Variants in CCDC3 observed in about 807,000 individuals in gnomAD.
CCDC3 encodes coiled-coil domain-containing protein 3.
A neutral mutation model predicts 21.4 loss-of-function variants in CCDC3; 24 were observed. The observed-to-expected ratio is 1.12, with a 90% CI of 0.81 to 1.58. CCDC3 has a LOEUF of 1.58. CCDC3 is among the 40% of genes most tolerant of loss of function. CCDC3 has a pLI of 0.00. For missense variants in CCDC3, 425 were observed against 360.9 expected (o/e 1.18, Z -1.44); for synonymous variants, 186 against 166.0 (o/e 1.12, Z -0.93).
chr10:13,001,595 G>C lies in CCDC3; in HGVS notation c.-25C>G. On this transcript the variant is annotated 5_prime_UTR_variant, in exon 1 of 3. Transcript: ENST00000378825. ...TGCCGGGCCCTCCCGGGGCGCACGG[G>C]GCGGCGGCGGGGAGCCCGGGGAGCC... 1 of 1,162,808 alleles carries C rather than the reference G, an allele frequency of 8.6e-7. No individual in the cohort carries two copies. Among genetic ancestry groups the C allele is most frequent in the South Asian group, 4.3e-5 (1 of 23,500 alleles). The allele number at this position is 1,162,808 out of a possible 1,614,324, so 72.0% of individuals were successfully genotyped here. A position where few individuals can be genotyped will look rare whatever the true frequency, so the allele number is the denominator to read the frequency against.
chr10:12,933,305 A>T (rs1002248290), intron 2 of CCDC3, among the ~76,000 whole-genome samples: 6 of 152,140 alleles, frequency 3.9e-5, no homozygotes, highest in African/African-American at 1.4e-4. Context: ...GAAGGTTTTA[A>T]TTACTGATTC....
chr10:13,074,325 ATTTTTTTTTTTTTTTTTT>A lies in CCDC3; in HGVS notation c.-502-243_-502-226del, dbSNP rs543893110. On this transcript the variant is annotated intron_variant, in intron 3 of 6. Transcript: ENST00000378839. ...GGCATGCACCACCATATCCCGGCTA[ATTTTTTTTTTTTTTTTTT>A]TTTTTTTTTTTTTTTTTTTTGTAGT... 5.6e-4 allele frequency among the ~76,000 whole-genome samples: 35 copies of A among 62,828 alleles called. 1 individual carries two copies. The highest frequency in any genetic ancestry group is 0.01 in the Middle Eastern group (1 of 96). 41.2% of individuals were successfully genotyped at this position (62,828 alleles called of 152,430 possible).
At chr10:13,074,153 A>ATTTTTTTTTT (rs1220773339) in intron 3 of CCDC3, 1 of 64,306 alleles carries the variant, frequency 1.6e-5, no homozygotes, top group South Asian at 6.9e-4. Context: ...ATATATATAT[A>ATTTTTTTTTT]TTTTTTTTTT....
chr10:13,075,525 G>A (rs1836953163), intron 3 of CCDC3, among the ~76,000 whole-genome samples: 1 of 151,704 alleles, frequency 6.6e-6, no homozygotes, highest in South Asian at 2.1e-4. Flanking sequence ...TCTTCCCACC[G>A]CTAAAGTATT....
intron 4 of CCDC3, among the ~76,000 whole-genome samples, chr10:13,054,877 G>A (rs1836661654): frequency 6.6e-6 from 1 of 152,188 alleles, no homozygotes; most frequent in East Asian, 1.9e-4. Context: ...ATGTTGGCCA[G>A]GCTGGTCTCA....
chr10:12,916,381 C>T (rs894233380), intron 2 of CCDC3, among the ~76,000 whole-genome samples: 4 of 145,492 alleles, frequency 2.7e-5, no homozygotes, highest in East Asian at 4.1e-4. Flanking sequence ...GAGCTGAGAT[C>T]GTGCCACTGC....
At chr10:13,039,248 T>G (rs1226267178) in intron 5 of CCDC3, among the ~76,000 whole-genome samples, 2 of 152,092 alleles carry the variant, frequency 1.3e-5, no homozygotes, top group Non-Finnish European at 2.9e-5. Flanking sequence ...AAACCCCGTT[T>G]CTACTAAACC....
In CCDC3 at chr10:13,093,026, CTTTT is replaced by C. The variant is rs143190092; in HGVS notation, c.-503+5495_-503+5498del. On this transcript the variant is annotated intron_variant, in intron 3 of 6. Coordinates refer to the CCDC3 transcript ENST00000378839. ...GGAAAGTCATGTATGAACCCCTCAC[CTTTT>C]TTTTTTTTTTTTTTTTCAAAAACAA... Among the ~76,000 whole-genome samples, 158 of 128,682 alleles carry C rather than the reference CTTTT, an allele frequency of 1.2e-3. 1 individual carries two copies. The highest frequency in any genetic ancestry group is 8.0e-3 in the Middle Eastern group (2 of 250). 84.4% of individuals were successfully genotyped at this position (128,682 alleles called of 152,430 possible).
At chr10:12,994,056 C>T (rs1835719240) in intron 2 of CCDC3, among the ~76,000 whole-genome samples, 1 of 152,078 alleles carries the variant, frequency 6.6e-6, no homozygotes, top group Non-Finnish European at 1.5e-5. Flanking sequence ...ATCTACAGTC[C>T]AGATCCACTG....
Position 12,898,225 on chromosome 10 carries a change from C to G in CCDC3, c.*191G>C, listed in dbSNP as rs957362764. 3.0e-6 allele frequency: 2 copies of G among 675,372 alleles called. No individual in the cohort carries two copies. The highest frequency in any genetic ancestry group is 4.9e-6 in the Non-Finnish European group (2 of 408,652). The allele number at this position is 675,372 out of a possible 1,614,324, so 41.8% of individuals were successfully genotyped here. A position where few individuals can be genotyped will look rare whatever the true frequency, so the allele number is the denominator to read the frequency against. ...GGGGTCAGGCCAGGAAGGGGCAGCG[C>G]GTGGGGTCTGACATTGAGGCCAGCA... On this transcript the variant is annotated 3_prime_UTR_variant, in exon 3 of 3. Coordinates refer to ENST00000378825, the MANE Select transcript of CCDC3 (RefSeq NM_031455.4).
intron 5 of CCDC3, among the ~76,000 whole-genome samples, chr10:13,043,465 C>T (rs994736187): frequency 1.3e-5 from 2 of 152,058 alleles, no homozygotes; most frequent in South Asian, 2.1e-4. Context: ...TGGTGATGTG[C>T]GCCTGTAGTC....
intron 2 of CCDC3, among the ~76,000 whole-genome samples, chr10:12,954,426 G>C (rs1261692843): frequency 5.3e-5 from 8 of 152,174 alleles, no homozygotes; most frequent in Non-Finnish European, 8.8e-5. Flanking sequence ...TTGGTATAAA[G>C]GAACATCTGA....
At chr10:12,935,542 T>C (rs1274181563) in intron 2 of CCDC3, among the ~76,000 whole-genome samples, 1 of 152,258 alleles carries the variant, frequency 6.6e-6, no homozygotes, top group Non-Finnish European at 1.5e-5. Flanking sequence ...TACTTCCTCC[T>C]GTGGTTTTAA....
chr10:12,921,828 A>G (rs989728901), intron 2 of CCDC3, among the ~76,000 whole-genome samples: 19 of 152,132 alleles, frequency 1.2e-4, no homozygotes, highest in African/African-American at 4.3e-4. Flanking sequence ...TGTAGCCTCG[A>G]AACTTCTGGG....
Position 12,898,350 on chromosome 10 carries a change from C to G in CCDC3, c.*66G>C, listed in dbSNP as rs1834032922. ...ACAACCCTTGAAATAGCTGCATGTA[C>G]GAAACCTCACTCATTCTCAATTACC... On this transcript the variant is annotated 3_prime_UTR_variant, in exon 3 of 3. Coordinates refer to ENST00000378825, the MANE Select transcript of CCDC3 (RefSeq NM_031455.4). 2.0e-6 allele frequency: 3 copies of G among 1,468,370 alleles called. No individual in the cohort carries two copies. The highest frequency in any genetic ancestry group is 2.3e-5 in the Admixed American group (1 of 43,524). 91.0% of individuals were successfully genotyped at this position (1,468,370 alleles called of 1,614,324 possible). A position where few individuals can be genotyped will look rare whatever the true frequency, so the allele number is the denominator to read the frequency against.
intron 4 of CCDC3, chr10:13,058,147 G>T: frequency 1.1e-6 from 1 of 888,088 alleles, no homozygotes; most frequent in Non-Finnish European, 1.9e-6. Context: ...GGAATCATTT[G>T]GTATTGCGAG....
intron 2 of CCDC3, among the ~76,000 whole-genome samples, chr10:12,987,860 C>T (rs1443230408): frequency 1.3e-5 from 2 of 152,114 alleles, no homozygotes; most frequent in Non-Finnish European, 2.9e-5. Flanking sequence ...AGACATATCC[C>T]AGAGCCAGCC....
upstream of CCDC3, among the ~76,000 whole-genome samples, chr10:13,004,654 G>A (rs1835904870): frequency 6.8e-6 from 1 of 147,904 alleles, no homozygotes; most frequent in African/African-American, 2.5e-5. Flanking sequence ...GCCACATTAG[G>A]GGATCCATGT....
intron 1 of CCDC3, among the ~76,000 whole-genome samples, chr10:12,999,459 C>A (rs969486117): frequency 6.6e-6 from 1 of 152,110 alleles, no homozygotes; most frequent in Non-Finnish European, 1.5e-5. Context: ...CTACAGAAAA[C>A]ACGTAGGGCT....
Sources: allele counts gnomAD v4.1 joint callset (sites outside exome capture counted in the v4.1 genomes callset), GRCh38; gene constraint gnomAD v4.1.1; transcripts MANE v1.5; gene names NCBI Gene and HGNC (gene_info 2026-07-23, HGNC 2026-07-21).